The following ZFP37 variants were observed in gnomAD, a reference collection of about 807,000 sequenced individuals.
The protein encoded by ZFP37 is ZFP37 zinc finger protein.
Under a neutral mutation model 52.1 loss-of-function variants are expected in ZFP37, and 38 were observed. The observed-to-expected ratio is 0.73, with a 90% CI of 0.56 to 0.96. The LOEUF (loss-of-function observed/expected upper bound fraction) is 0.96, where lower values mean the gene tolerates loss of function less well. Ranked by LOEUF, ZFP37 falls within the 40% of genes least tolerant of loss-of-function variation. The probability of loss-of-function intolerance (pLI) is 0.00; values close to 1 mark genes in which losing one functional copy is unlikely to be tolerated. For missense variants in ZFP37, 695 were observed against 741.4 expected (o/e 0.94, Z 0.73); for synonymous variants, 253 against 259.5 (o/e 0.98, Z 0.24).
chr9:113,048,692 C>T (rs1234464154), intron 3 of ZFP37, among the ~76,000 whole-genome samples: 2 of 152,086 alleles, frequency 1.3e-5, no homozygotes, highest in African/African-American at 4.8e-5. Flanking sequence ...TTATTGCTTC[C>T]TGTGGCAAGA....
intron 1 of ZFP37, among the ~76,000 whole-genome samples, chr9:113,050,730 C>G (rs572856976): frequency 2.6e-5 from 4 of 151,958 alleles, no homozygotes; most frequent in African/African-American, 7.2e-5. Flanking sequence ...AACATGGTCT[C>G]TATTAAAAAT....
rs1828855550 is a variant in ZFP37 at position 113,042,045 on chromosome 9, G to A, written c.*680C>T. 1 of 152,014 alleles carries A rather than the reference G, an allele frequency of 6.6e-6. No individual in the cohort carries two copies. The highest frequency in any genetic ancestry group is 2.4e-5 in the African/African-American group (1 of 41,414). 9.4% of individuals were successfully genotyped at this position (152,014 alleles called of 1,614,324 possible). A position where few individuals can be genotyped will look rare whatever the true frequency, so the allele number is the denominator to read the frequency against. ...TACACATACAGAGATAAGAGACAGA[G>A]GTTAAACAAACATACCCTTTTGTAC... On this transcript the variant is annotated 3_prime_UTR_variant, in exon 4 of 4. Transcript: ENST00000374227.
intron 1 of ZFP37, among the ~76,000 whole-genome samples, chr9:113,054,200 A>G (rs1381145686): frequency 1.3e-5 from 2 of 152,218 alleles, no homozygotes; most frequent in African/African-American, 4.8e-5. Flanking sequence ...TTAGGACTCA[A>G]AAGCATATAT....
In ZFP37 at chr9:113,040,488, A is replaced by G. The variant is rs961304692; in HGVS notation, c.*2237T>C. The G allele has an allele frequency of 6.6e-6, 1 of 152,220 alleles. No homozygotes were observed. The highest frequency in any genetic ancestry group is 1.5e-5 in the Non-Finnish European group (1 of 68,040). The allele number at this position is 152,220 out of a possible 1,614,324, so 9.4% of individuals were successfully genotyped here. On this transcript the variant is annotated 3_prime_UTR_variant, in exon 4 of 4. Transcript: ENST00000374227. The stretch of plus-strand genomic sequence containing the variant: ...GATATATTCATGAGTTGAGCTTTCA[A>G]CCCGTGCATGTGTATGCATGTGTGC...
Position 113,049,474 on chromosome 9 carries a change from G to T in ZFP37, c.237C>A (p.Asp79Glu). 2 of 1,613,636 alleles carry T rather than the reference G, an allele frequency of 1.2e-6. No individual in the cohort carries two copies. The highest frequency in any genetic ancestry group is 2.2e-5 in the South Asian group (2 of 91,024). The change falls in exon 3 of 4, where the codon GAC becomes GAA. Residue 79 changes from aspartate to glutamate, a missense_variant. Physicochemically the swap from Asp to Glu is conservative, Grantham distance 45. Coordinates refer to ENST00000374227, the MANE Select transcript of ZFP37 (RefSeq NM_003408.3). ...ASMGCQAPKP[D>E]MISKLEKGEA... ...CTCCTTTTTCCAACTTGGAGATCAT[G>T]TCTGGTTTGGGAGCTTGACACCCTG... is the stretch of plus-strand genomic sequence containing the variant.
In ZFP37 at chr9:113,043,832, CT is replaced by C. The variant is rs1227777535; in HGVS notation, c.785del (p.Gln262ArgfsTer29). 6.2e-7 allele frequency: 1 copy of C among 1,613,948 alleles called. No individual in the cohort carries two copies. The highest frequency in any genetic ancestry group is 1.1e-5 in the South Asian group (1 of 91,072). ...GTTTCTCTCCAGTTTGAATTTTGTC[CT>C]GTTTAATATGGGATGAACTATGACA... ...LCCHSSSHIK[Q>X]DKIQTGEKHE... On this transcript the variant is annotated frameshift_variant, in exon 4 of 4. Transcript: ENST00000374227. LOFTEE classifies it high-confidence loss of function.
chr9:113,043,373 C>T lies in ZFP37; in HGVS notation c.1245G>A (p.Arg415=), dbSNP rs1472611598. The T allele has an allele frequency of 6.2e-7, 1 of 1,613,966 alleles. No individual in the cohort carries two copies. The highest frequency in any genetic ancestry group is 1.7e-5 in the Admixed American group (1 of 59,996). The change falls in exon 4 of 4, where the codon AGG becomes AGA. Residue 415 remains arginine, a synonymous_variant. Coordinates refer to ENST00000374227, the MANE Select transcript of ZFP37 (RefSeq NM_003408.3). ...YECKECGKSF[R]YNSSLTEHVR... ...CATGTTCGGTAAGAGATGAGTTATA[C>T]CTAAAAGACTTCCCACATTCCTTAC...
chr9:113,049,226 A>T, intron 3 of ZFP37, 136 bp downstream of exon 3: 1 of 957,330 alleles, frequency 1.0e-6, no homozygotes, highest in Non-Finnish European at 1.5e-6. Flanking sequence ...GAATCTTTGT[A>T]GTTTGAAATA....
At chr9:113,056,525 G>A in intron 1 of ZFP37, 32 bp downstream of exon 1, 2 of 1,607,654 alleles carry the variant, frequency 1.2e-6, no homozygotes. Flanking sequence ...ATCTCTGACC[G>A]CCAAAACACC....
rs760946479 is a variant in ZFP37, at chr9:113,049,313, G to A, written c.349+49C>T. ...AAGAAAGGTCTAGGATCTTTAAGAA[G>A]AATTTCAGAATAAATTATTTGCTGA... On this transcript the variant is annotated intron_variant, in intron 3 of 3. Transcript: ENST00000374227. The A allele has an allele frequency of 1.9e-6, 3 of 1,594,640 alleles. 1 individual carries two copies. In the Middle Eastern group the frequency reaches 5.0e-4, roughly 266 times the overall value.
chr9:113,043,694 G>A lies in ZFP37; in HGVS notation c.924C>T (p.Leu308=). 6.2e-7 allele frequency: 1 copy of A among 1,614,044 alleles called. No individual in the cohort carries two copies. The highest frequency in any genetic ancestry group is 8.5e-7 in the Non-Finnish European group (1 of 1,179,972). ...CAGTATGAACTCTCTGATGGTCAAT[G>A]AGTCCTTGTTTATGGCTGAGAACCT... ...CGKVLSHKQG[L]IDHQRVHTGE... The change falls in exon 4 of 4, where the codon CTC becomes CTT. Residue 308 remains leucine, a synonymous_variant. Coordinates refer to ENST00000374227, the MANE Select transcript of ZFP37 (RefSeq NM_003408.3).
intron 2 of ZFP37, 53 bp from the exon 3 acceptor site, chr9:113,049,549 G>T: frequency 6.3e-7 from 1 of 1,578,904 alleles, no homozygotes; most frequent in Non-Finnish European, 8.6e-7. Context: ...TCCCAGAAAT[G>T]AAGCCGCAGC....
Position 113,038,391 on chromosome 9 carries a change from GTTTTT to G in ZFP37, c.*4329_*4333del, listed in dbSNP as rs1450926674. 2.0e-5 allele frequency: 3 copies of G among 151,866 alleles called. No homozygotes were observed. Among genetic ancestry groups the G allele is most frequent in the African/African-American group, 7.3e-5 (3 of 41,350 alleles). The allele number at this position is 151,866 out of a possible 1,614,324, so 9.4% of individuals were successfully genotyped here. ...TAATGTGCATATAGTTTTGTAAACTGTTTTTTATTTAGTATTTTAGATGCTACAGG... is the reference window on the plus strand; with the variant it reads ...TAATGTGCATATAGTTTTGTAAACTGTATTTAGTATTTTAGATGCTACAGG... On this transcript the variant is annotated 3_prime_UTR_variant, in exon 4 of 4. Coordinates refer to ENST00000374227, the MANE Select transcript of ZFP37 (RefSeq NM_003408.3).
At chr9:113,047,041 G>T (rs954293382) in intron 3 of ZFP37, among the ~76,000 whole-genome samples, 3 of 151,560 alleles carry the variant, frequency 2.0e-5, no homozygotes, top group Non-Finnish European at 2.9e-5. Context: ...CTCGGGAGGA[G>T]GAGCTTGCAG....
chr9:113,050,054 T>C (rs768684799), intron 1 of ZFP37, 182 bp from the exon 2 acceptor site: 10 of 1,003,074 alleles, frequency 1.0e-5, no homozygotes, highest in Non-Finnish European at 1.4e-5. Flanking sequence ...TCTACTCAAT[T>C]TTTCATTATT....
rs1319263929 is a variant in ZFP37, at chr9:113,049,337, G to A, written c.349+25C>T. The A allele has an allele frequency of 2.5e-6, 4 of 1,607,204 alleles. No individual in the cohort carries two copies. In the South Asian group the frequency reaches 4.5e-5, roughly 18 times the overall value. ...AGAATTTCAGAATAAATTATTTGCTGAAAAATTTCAAAGTTACAACTTACT... is the reference window on the plus strand; with the variant it reads ...AGAATTTCAGAATAAATTATTTGCTAAAAAATTTCAAAGTTACAACTTACT... On this transcript the variant is annotated intron_variant, in intron 3 of 3. Transcript: ENST00000374227.
intron 3 of ZFP37, among the ~76,000 whole-genome samples, chr9:113,047,731 T>C (rs1828983536): frequency 6.6e-6 from 1 of 152,202 alleles, no homozygotes; most frequent in African/African-American, 2.4e-5. Flanking sequence ...GAAGACAGGA[T>C]AGTAACTCTA....
chr9:113,049,575 C>A, intron 2 of ZFP37, 79 bp from the exon 3 acceptor site: 1 of 1,532,538 alleles, frequency 6.5e-7, no homozygotes, highest in Non-Finnish European at 8.8e-7. Flanking sequence ...TACTTCAGGG[C>A]CTAAAGAATA....
rs1451439074 is a variant in ZFP37 at position 113,044,090 on chromosome 9, T to C, written c.528A>G (p.Lys176=). The C allele has an allele frequency of 6.2e-7, 1 of 1,610,580 alleles. No individual in the cohort carries two copies. Among genetic ancestry groups the C allele is most frequent in the Admixed American group, 1.7e-5 (1 of 59,262 alleles). Residue 176 remains lysine, a synonymous_variant, in exon 4 of 4, where the codon AAA becomes AAG. Transcript: ENST00000374227. ...KHVPSKKRLL[K]FESCGKILKQ... ...TCAAAATTTTTCCACATGACTCAAA[T>C]TTAAGAAGCCTTTTCTTTGAAGGAA...
Sources: gnomAD v4.1 joint callset for allele counts (sites outside exome capture counted in the v4.1 genomes callset) on GRCh38, gnomAD v4.1.1 for gene constraint, MANE v1.5 for transcripts, NCBI Gene and HGNC (gene_info 2026-07-23, HGNC 2026-07-21) for gene names.